Variants in MAPKAPK2 observed in about 807,000 individuals in gnomAD.
MAPKAPK2 encodes MAPK activated protein kinase 2.
MAPKAPK2 carries 9 observed loss-of-function variants against 48.8 expected under a neutral mutation model. The observed-to-expected ratio is 0.18, with a 90% CI of 0.11 to 0.32. The LOEUF is 0.32. Ranked by LOEUF, MAPKAPK2 falls within the 10% of genes least tolerant of loss-of-function variation. MAPKAPK2 has a pLI of 1.00. For synonymous variants in MAPKAPK2, 202 were observed against 190.6 expected, an observed-to-expected ratio of 1.06 and a Z score of -0.49; for missense variants, 331 against 498.3, an observed-to-expected ratio of 0.66 and a Z score of 3.20.
intron 4 of MAPKAPK2, 61 bp from the exon 5 acceptor site, chr1:206,729,911 G>C (rs75470033): frequency 5.6e-6 from 9 of 1,607,308 alleles, no homozygotes; most frequent in Non-Finnish European, 2.6e-6. Flanking sequence ...GATCCTTTTC[G>C]TTTCTGATAG....
In MAPKAPK2 at chr1:206,731,120, T is replaced by C; in HGVS notation, c.768-18T>C. 1 of 1,614,176 alleles carries C rather than the reference T, an allele frequency of 6.2e-7. No individual in the cohort carries two copies. The highest frequency in any genetic ancestry group is 8.5e-7 in the Non-Finnish European group (1 of 1,180,002). Reference sequence around the variant, plus strand: ...GACAGCTGTTCTGTCTCCCACTTCCTTCCTCCTGTTGATGCAGGCTGTGTG... The same window carrying C: ...GACAGCTGTTCTGTCTCCCACTTCCCTCCTCCTGTTGATGCAGGCTGTGTG... On this transcript the variant is annotated intron_variant, in intron 6 of 9. Transcript: ENST00000367103. This position sits in a 1 kb window ranked among gnomAD's most constrained non-coding sequence, Gnocchi z 5.9.
rs143218260 is a variant in MAPKAPK2, at chr1:206,732,797, C to A, written c.*79C>A. ...ATATTTTTTAAACGAAGAGACAGAA[C>A]TGTCCACATCTGCCTCCTCTCCTCC... On this transcript the variant is annotated 3_prime_UTR_variant, in exon 10 of 10. Coordinates refer to ENST00000367103, the MANE Select transcript of MAPKAPK2 (RefSeq NM_032960.4). The surrounding 1 kb of genome is among the most constrained non-coding windows in gnomAD (Gnocchi z 4.4). The A allele has an allele frequency of 3.7e-5, 55 of 1,468,246 alleles. No individual in the cohort carries two copies. The African/African-American group carries it at 6.0e-4, about 16-fold the overall frequency. 91.0% of individuals were successfully genotyped at this position (1,468,246 alleles called of 1,614,324 possible). A position where few individuals can be genotyped will look rare whatever the true frequency, so the allele number is the denominator to read the frequency against.
At chr1:206,718,404 C>T (rs1378074566) in intron 1 of MAPKAPK2, among the ~76,000 whole-genome samples, 2 of 151,838 alleles carry the variant, frequency 1.3e-5, no homozygotes, top group African/African-American at 2.4e-5. Context: ...TGGTGGTGGG[C>T]GCCTGTAGTC....
intron 1 of MAPKAPK2, among the ~76,000 whole-genome samples, chr1:206,716,951 G>T (rs1572503400): frequency 6.6e-6 from 1 of 152,106 alleles, no homozygotes; most frequent in South Asian, 2.1e-4. Flanking sequence ...TCTTGTTCTG[G>T]TGTACAGTCT....
intron 1 of MAPKAPK2, among the ~76,000 whole-genome samples, chr1:206,706,454 G>A (rs909217610): frequency 6.6e-6 from 1 of 152,120 alleles, no homozygotes; most frequent in Non-Finnish European, 1.5e-5. Context: ...TTTGGGAATC[G>A]GGAGTATTAG....
intron 1 of MAPKAPK2, among the ~76,000 whole-genome samples, chr1:206,691,504 T>TATATATATATATATATATATAA (rs1424297313): frequency 8.9e-6 from 1 of 112,168 alleles, no homozygotes; most frequent in Non-Finnish European, 2.0e-5. Context: ...TATATATATA[T>TATATATATATATATATATATAA]ACACACATAC....
At chr1:206,687,466 C>T (rs12092792) in intron 1 of MAPKAPK2, among the ~76,000 whole-genome samples, 4,858 of 152,280 alleles carry the variant, frequency 0.032, 247 homozygotes, top group African/African-American at 0.11. Context: ...AGCCTGCTCC[C>T]AGATCTTTTA....
intron 1 of MAPKAPK2, among the ~76,000 whole-genome samples, chr1:206,687,354 G>A (rs1672318992): frequency 6.6e-6 from 1 of 152,168 alleles, no homozygotes; most frequent in Non-Finnish European, 1.5e-5. Context: ...ACTTTGAATA[G>A]TTTTGGAAGG....
intron 1 of MAPKAPK2, 105 bp from the exon 2 acceptor site, chr1:206,728,605 G>C (rs148084831): frequency 1.2e-5 from 16 of 1,340,178 alleles, no homozygotes; most frequent in South Asian, 7.0e-5. Flanking sequence ...CAGCAGGAGT[G>C]GGGGGTTTGT....
At chr1:206,702,689 C>T (rs1672833624) in intron 1 of MAPKAPK2, among the ~76,000 whole-genome samples, 4 of 152,240 alleles carry the variant, frequency 2.6e-5, no homozygotes, top group Admixed American at 2.6e-4. Context: ...AGTAGCCTCC[C>T]TTCACTTCCA....
chr1:206,728,600 G>A, intron 1 of MAPKAPK2, 110 bp from the exon 2 acceptor site: 1 of 1,280,158 alleles, frequency 7.8e-7, no homozygotes, highest in African/African-American at 1.5e-5. Flanking sequence ...GGGGCCAGCA[G>A]GAGTGGGGGG....
At chr1:206,722,454 G>T (rs919674170) in intron 1 of MAPKAPK2, among the ~76,000 whole-genome samples, 2 of 152,148 alleles carry the variant, frequency 1.3e-5, no homozygotes, top group Non-Finnish European at 1.5e-5. Flanking sequence ...CTGTTGACCC[G>T]AAGCCTTACT....
intron 1 of MAPKAPK2, among the ~76,000 whole-genome samples, chr1:206,700,643 T>G (rs782438286): frequency 6.6e-6 from 1 of 152,232 alleles, no homozygotes; most frequent in Non-Finnish European, 1.5e-5. Context: ...AAGCCAGTTG[T>G]GTTTGGAAAT....
At chr1:206,698,650 T>G (rs1672703572) in intron 1 of MAPKAPK2, among the ~76,000 whole-genome samples, 1 of 152,254 alleles carries the variant, frequency 6.6e-6, no homozygotes, top group Admixed American at 6.5e-5. Context: ...TTTACTTACA[T>G]TCTTGTTAAT....
chr1:206,723,348 T>C (rs1175833046), intron 1 of MAPKAPK2, among the ~76,000 whole-genome samples: 1 of 152,260 alleles, frequency 6.6e-6, no homozygotes, highest in Middle Eastern at 3.4e-3. Context: ...GCAGTACTTA[T>C]TACGTGCCAA....
Position 206,731,734 on chromosome 1 carries a change from G to A in MAPKAPK2, c.978+9G>A, listed in dbSNP as rs782192213. On this transcript the variant is annotated intron_variant, in intron 8 of 9. Transcript: ENST00000367103. This position sits in a 1 kb window ranked among gnomAD's most constrained non-coding sequence, Gnocchi z 5.9. Reference sequence around the variant, plus strand: ...ACCACCCTTGGATCATGGTAAGCTCGGCAGGCTGGGGAGCCTTGGGTCTCA... The same window carrying A: ...ACCACCCTTGGATCATGGTAAGCTCAGCAGGCTGGGGAGCCTTGGGTCTCA... 8 of 1,613,754 alleles carry A rather than the reference G, an allele frequency of 5.0e-6. No individual in the cohort carries two copies. Among genetic ancestry groups the A allele is most frequent in the East Asian group, 4.5e-5 (2 of 44,878 alleles).
intron 1 of MAPKAPK2, chr1:206,695,985 G>C: frequency 1.3e-6 from 1 of 746,124 alleles, no homozygotes; most frequent in Admixed American, 1.8e-5. Context: ...TCCTCCTATG[G>C]CTCGGAGTTC....
chr1:206,731,456 G>C lies in MAPKAPK2; in HGVS notation c.893-184G>C, dbSNP rs1367045134. ...TGTGGAGGGCTGGAGGCAGGGCCAA[G>C]GCTGTGGGGCTGTGCAGGGCCTCTC... On this transcript the variant is annotated intron_variant, in intron 7 of 9. Transcript: ENST00000367103. The surrounding 1 kb of genome is among the most constrained non-coding windows in gnomAD (Gnocchi z 5.9). 8.5e-7 allele frequency: 1 copy of C among 1,172,896 alleles called. No homozygotes were observed. Among genetic ancestry groups the C allele is most frequent in the East Asian group, 2.5e-5 (1 of 39,828 alleles). 72.7% of individuals were successfully genotyped at this position (1,172,896 alleles called of 1,614,324 possible).
intron 1 of MAPKAPK2, among the ~76,000 whole-genome samples, chr1:206,711,784 G>T (rs782490811): frequency 6.6e-6 from 1 of 151,586 alleles, no homozygotes; most frequent in African/African-American, 2.4e-5. Flanking sequence ...CACCCAGCTA[G>T]TTTTTTCTGT....
Sources: gnomAD v4.1 joint callset for allele counts (sites outside exome capture counted in the v4.1 genomes callset) on GRCh38, gnomAD v4.1.1 for gene constraint, Gnocchi (gnomAD v3.1) non-coding constraint, MANE v1.5 for transcripts, NCBI Gene and HGNC (gene_info 2026-07-23, HGNC 2026-07-21) for gene names.